Variants in CNTNAP4 observed in about 807,000 individuals in gnomAD.
CNTNAP4 encodes contactin associated protein family member 4, also known as contactin-associated protein-like 4.
Under a neutral mutation model 148.4 loss-of-function variants are expected in CNTNAP4, and 98 were observed. That is an observed-to-expected ratio of 0.66 (90% CI 0.56 to 0.78). The LOEUF (loss-of-function observed/expected upper bound fraction) is 0.78, where lower values mean the gene tolerates loss of function less well. Among genes scored for constraint, CNTNAP4 ranks in the 30% least tolerant of loss-of-function variants. The pLI is 0.00. For synonymous variants in CNTNAP4, 730 were observed against 565.1 expected, an observed-to-expected ratio of 1.29 and a Z score of -4.14; for missense variants, 1,935 against 1,565.6, an observed-to-expected ratio of 1.24 and a Z score of -3.98.
chr16:76,377,931 G>A (rs2144677036), intron 3 of CNTNAP4, among the ~76,000 whole-genome samples: 1 of 151,964 alleles, frequency 6.6e-6, no homozygotes, highest in East Asian at 1.9e-4. Flanking sequence ...GCAAAGCTTT[G>A]TCTGTGCATT....
In CNTNAP4 at chr16:76,538,216, T is replaced by C. The variant is rs2084297765; in HGVS notation, c.3096T>C (p.His1032=). The C allele has an allele frequency of 3.1e-6, 5 of 1,608,364 alleles. No homozygotes were observed. Among genetic ancestry groups the C allele is most frequent in the Non-Finnish European group, 4.2e-6 (5 of 1,177,094 alleles). The change falls in exon 19 of 24, where the codon CAT becomes CAC. Residue 1032 remains histidine (H), a synonymous_variant. Coordinates refer to ENST00000611870, the MANE Select transcript of CNTNAP4 (RefSeq NM_033401.5). The part of the protein sequence containing the change: ...KNSSSHAASF[H]GDMKLSREMI... ...CCAGCTCCCACGCTGCTTCATTTCA[T>C]GGTGATATGAAGCTGAGCAGAGAAA...
chr16:76,286,174 AGTGTGTGTGTGTGTGT>A lies in CNTNAP4; in HGVS notation c.85+8457_85+8472del, dbSNP rs57003243. Among the ~76,000 whole-genome samples, 22 of 134,990 alleles carry A rather than the reference AGTGTGTGTGTGTGTGT, an allele frequency of 1.6e-4. No homozygotes were observed. In the South Asian group the frequency reaches 3.2e-3, roughly 20 times the overall value. 88.6% of individuals were successfully genotyped at this position (134,990 alleles called of 152,430 possible). ...AATGAGTTGCTGAGATAGAATTATC[AGTGTGTGTGTGTGTGT>A]GTGTGTGTGTGTGTGTGTGTGTGTG... On this transcript the variant is annotated intron_variant, in intron 1 of 23. Coordinates refer to ENST00000611870, the MANE Select transcript of CNTNAP4 (RefSeq NM_033401.5).
chr16:76,372,055 C>T (rs1356313705), intron 3 of CNTNAP4, among the ~76,000 whole-genome samples: 1 of 152,166 alleles, frequency 6.6e-6, no homozygotes, highest in Non-Finnish European at 1.5e-5. Flanking sequence ...CTTTAATCAA[C>T]CGAATTTCCA....
intron 14 of CNTNAP4, among the ~76,000 whole-genome samples, chr16:76,498,357 A>G (rs575956923): frequency 1.9e-4 from 29 of 150,572 alleles, no homozygotes; most frequent in African/African-American, 6.7e-4. Context: ...GTGCTACTGC[A>G]CTCCAGCCTG....
chr16:76,527,831 C>T (rs2083805736), intron 17 of CNTNAP4, among the ~76,000 whole-genome samples: 1 of 152,050 alleles, frequency 6.6e-6, no homozygotes, highest in Non-Finnish European at 1.5e-5. Flanking sequence ...CCTGTAACAT[C>T]ATGTTGTAAA....
chr16:76,339,403 C>G (rs1367000803), intron 2 of CNTNAP4, among the ~76,000 whole-genome samples: 2 of 151,916 alleles, frequency 1.3e-5, no homozygotes, highest in African/African-American at 4.8e-5. Flanking sequence ...AACACTTAAT[C>G]TAAACACCAC....
chr16:76,538,151 A>G lies in CNTNAP4; in HGVS notation c.3031A>G (p.Ile1011Val). ...SAYFGSGSSVIYNFQENYLLS... is the reference protein window; with the variant it reads ...SAYFGSGSSVVYNFQENYLLS... ...ATATTTTGGATCTGGCTCATCCGTG[A>G]TATACAATTTTCAAGAAAATTATCT... The change falls in exon 19 of 24, where the codon ATA becomes GTA. Residue 1011 changes from isoleucine to valine, a missense_variant. Transcript: ENST00000611870. 6.3e-7 allele frequency: 1 copy of G among 1,584,898 alleles called. No individual in the cohort carries two copies. Among genetic ancestry groups the G allele is most frequent in the Non-Finnish European group, 8.6e-7 (1 of 1,166,462 alleles).
At chr16:76,423,352 C>G (rs2079260496) in intron 3 of CNTNAP4, among the ~76,000 whole-genome samples, 1 of 152,024 alleles carries the variant, frequency 6.6e-6, no homozygotes, top group Non-Finnish European at 1.5e-5. Context: ...GGCATGCATT[C>G]AAAATGCAAA....
chr16:76,380,871 A>G (rs2015899071), intron 3 of CNTNAP4, among the ~76,000 whole-genome samples: 1 of 152,174 alleles, frequency 6.6e-6, no homozygotes, highest in African/African-American at 2.4e-5. Context: ...CAATATGTGT[A>G]CCTTAGAATG....
At chr16:76,309,202 A>C (rs569782884) in intron 1 of CNTNAP4, among the ~76,000 whole-genome samples, 12 of 151,882 alleles carry the variant, frequency 7.9e-5, no homozygotes, top group African/African-American at 2.7e-4. Context: ...TTTGGTGTTG[A>C]GTGTAGACTG....
intron 3 of CNTNAP4, among the ~76,000 whole-genome samples, chr16:76,357,931 G>C (rs1028339908): frequency 1.1e-4 from 17 of 152,106 alleles, no homozygotes; most frequent in African/African-American, 3.9e-4. Context: ...GACTTTTGCT[G>C]CTTAAATAGG....
intron 2 of CNTNAP4, among the ~76,000 whole-genome samples, chr16:76,339,752 C>T (rs900066808): frequency 6.6e-6 from 1 of 152,198 alleles, no homozygotes; most frequent in African/African-American, 2.4e-5. Flanking sequence ...AACAGCTCAA[C>T]TAATGAGAAG....
At chr16:76,503,475 A>G (rs1347205333) in intron 15 of CNTNAP4, among the ~76,000 whole-genome samples, 1 of 152,228 alleles carries the variant, frequency 6.6e-6, no homozygotes, top group Admixed American at 6.5e-5. Flanking sequence ...ATATTTTTAA[A>G]AAGTGAGTTT....
intron 2 of CNTNAP4, among the ~76,000 whole-genome samples, chr16:76,352,340 C>G (rs1037595518): frequency 1.8e-4 from 27 of 152,160 alleles, no homozygotes; most frequent in African/African-American, 6.3e-4. Flanking sequence ...GCCTATACTT[C>G]AAAGACACGG....
At chr16:76,327,932 C>T (rs1438070447) in intron 2 of CNTNAP4, among the ~76,000 whole-genome samples, 2 of 152,174 alleles carry the variant, frequency 1.3e-5, no homozygotes, top group Non-Finnish European at 2.9e-5. Flanking sequence ...TTCACCCCTT[C>T]CTGCGTGCCA....
chr16:76,436,039 C>A (rs1025756204), intron 4 of CNTNAP4, among the ~76,000 whole-genome samples: 4 of 152,090 alleles, frequency 2.6e-5, no homozygotes, highest in Non-Finnish European at 5.9e-5. Flanking sequence ...AATGTCACCT[C>A]TAGGGGCCCG....
chr16:76,319,575 T>C (rs566698980), intron 2 of CNTNAP4, among the ~76,000 whole-genome samples: 16 of 152,156 alleles, frequency 1.1e-4, no homozygotes, highest in Non-Finnish European at 2.2e-4. Context: ...TTATCAGATA[T>C]CATCAAGTTA....
chr16:76,384,321 CT>C (rs1191899851), intron 3 of CNTNAP4, among the ~76,000 whole-genome samples: 2 of 152,094 alleles, frequency 1.3e-5, no homozygotes, highest in Non-Finnish European at 2.9e-5. Flanking sequence ...GGATTACAGG[CT>C]TGAGCCACCG....
chr16:76,439,135 A>G (rs760470353), intron 4 of CNTNAP4, among the ~76,000 whole-genome samples: 1 of 152,060 alleles, frequency 6.6e-6, no homozygotes, highest in Non-Finnish European at 1.5e-5. Flanking sequence ...AGGTGTGTTC[A>G]CTGTAGCAAC....
Sources: gnomAD v4.1 joint callset for allele counts (sites outside exome capture counted in the v4.1 genomes callset) on GRCh38, gnomAD v4.1.1 for gene constraint, MANE v1.5 for transcripts, NCBI Gene and HGNC (gene_info 2026-07-23, HGNC 2026-07-21) for gene names.